The following PDE4D variants were observed in gnomAD, a reference collection of about 807,000 sequenced individuals.
The protein encoded by PDE4D is 3',5'-cyclic-AMP phosphodiesterase 4D.
A neutral mutation model predicts 87.4 loss-of-function variants in PDE4D; 24 were observed. The observed-to-expected ratio is 0.27, with a 90% confidence interval of 0.20 to 0.39. The LOEUF (loss-of-function observed/expected upper bound fraction) is 0.39. Among genes scored for constraint, PDE4D ranks in the 10% least tolerant of loss-of-function variants. The probability of loss-of-function intolerance (pLI) is 1.00; values close to 1 mark genes in which losing one functional copy is unlikely to be tolerated. For missense variants in PDE4D, 714 were observed against 1,041.0 expected (o/e 0.69, Z 4.32); for synonymous variants, 384 against 383.2 (o/e 1.00, Z -0.02).
chr5:59,486,137 CTG>C (rs1255423353), intron 1 of PDE4D, among the ~76,000 whole-genome samples: 1 of 152,046 alleles, frequency 6.6e-6, no homozygotes, highest in Non-Finnish European at 1.5e-5. Flanking sequence ...AATCTGCACT[CTG>C]TTAAAATTTA....
chr5:59,362,730 T>A (rs1782414875), intron 1 of PDE4D, among the ~76,000 whole-genome samples: 1 of 152,178 alleles, frequency 6.6e-6, no homozygotes, highest in Admixed American at 6.5e-5. Context: ...AGGACAGAAA[T>A]GGCTTCTTAC....
intron 1 of PDE4D, among the ~76,000 whole-genome samples, chr5:59,234,867 C>A (rs546802774): frequency 6.6e-6 from 1 of 152,022 alleles, no homozygotes; most frequent in South Asian, 2.1e-4. Flanking sequence ...ACAGAGTGAG[C>A]AAATGCCAGT....
chr5:59,217,114 C>T (rs1450179668), intron 1 of PDE4D: 1 of 442,514 alleles, frequency 2.3e-6, no homozygotes, highest in African/African-American at 2.0e-5. Context: ...ACGTCATAGT[C>T]CTTATAATCT....
chr5:60,147,228 G>A (rs1387717307), intron 2 of PDE4D, among the ~76,000 whole-genome samples: 1 of 152,176 alleles, frequency 6.6e-6, no homozygotes. Flanking sequence ...TACAAGAAAG[G>A]TTTCCCAGAA....
chr5:59,810,799 T>C (rs1017027796), intron 1 of PDE4D, among the ~76,000 whole-genome samples: 1 of 152,254 alleles, frequency 6.6e-6, no homozygotes, highest in African/African-American at 2.4e-5. Flanking sequence ...ATTTGTACTT[T>C]TTAAAAATCA....
intron 1 of PDE4D, among the ~76,000 whole-genome samples, chr5:60,508,171 C>T (rs577133304): frequency 7.2e-5 from 11 of 152,330 alleles, no homozygotes; most frequent in African/African-American, 2.6e-4. Flanking sequence ...ACTCTATGGA[C>T]AATATGTGGT....
chr5:60,501,024 A>G (rs1272203920), intron 1 of PDE4D, among the ~76,000 whole-genome samples: 1 of 151,748 alleles, frequency 6.6e-6, no homozygotes, highest in Non-Finnish European at 1.5e-5. Context: ...TTAAACTTTA[A>G]GTTTTAGGGT....
intron 3 of PDE4D, among the ~76,000 whole-genome samples, chr5:59,900,140 T>C (rs1278330885): frequency 1.3e-5 from 2 of 151,670 alleles, no homozygotes; most frequent in African/African-American, 2.4e-5. Context: ...CTCTGGAGCC[T>C]GAGGCAGGAA....
At chr5:59,863,507 T>G (rs953939560) in intron 1 of PDE4D, among the ~76,000 whole-genome samples, 3 of 152,124 alleles carry the variant, frequency 2.0e-5, no homozygotes, top group African/African-American at 7.2e-5. Flanking sequence ...GCACCGAATA[T>G]CTTTTAACTT....
chr5:59,681,203 C>T (rs1050053906), intron 1 of PDE4D, among the ~76,000 whole-genome samples: 2 of 152,042 alleles, frequency 1.3e-5, no homozygotes, highest in Non-Finnish European at 1.5e-5. Flanking sequence ...ATGATAGTAA[C>T]GTGTTAAAAT....
chr5:59,890,745 C>G (rs919112820), intron 1 of PDE4D, among the ~76,000 whole-genome samples: 1 of 152,210 alleles, frequency 6.6e-6, no homozygotes, highest in African/African-American at 2.4e-5. Flanking sequence ...TGATACTGAA[C>G]AAATTGCTCG....
chr5:60,436,894 A>T (rs1161489349), intron 1 of PDE4D, among the ~76,000 whole-genome samples: 1 of 152,082 alleles, frequency 6.6e-6, no homozygotes, highest in Admixed American at 6.6e-5. Flanking sequence ...TTATCCCTTT[A>T]CCTAAAGGGA....
In PDE4D at chr5:60,074,962, C is replaced by T. The variant is rs76074192; in HGVS notation, c.43-86245G>A. Among the ~76,000 whole-genome samples, 416 of 152,228 alleles carry T rather than the reference C, an allele frequency of 2.7e-3. 1 individual carries two copies. The highest frequency in any genetic ancestry group is 9.6e-3 in the African/African-American group (400 of 41,556). On this transcript the variant is annotated intron_variant, in intron 2 of 16. Coordinates refer to the PDE4D transcript ENST00000502484. ...GGGTCATTCTTCTTTATTTAGCTTG[C>T]CACTCTGTGCCTTTTAATTGGGAGC...
intron 1 of PDE4D, among the ~76,000 whole-genome samples, chr5:59,605,808 T>A (rs577003072): frequency 6.6e-6 from 1 of 152,194 alleles, no homozygotes; most frequent in Non-Finnish European, 1.5e-5. Context: ...ACCAAAGTGA[T>A]GTGAATTTAA....
chr5:60,016,842 T>C (rs1428386588), intron 2 of PDE4D, among the ~76,000 whole-genome samples: 1 of 152,336 alleles, frequency 6.6e-6, no homozygotes, highest in Non-Finnish European at 1.5e-5. Context: ...CCGGTAAATG[T>C]TGATATCTTG....
chr5:59,276,586 C>T (rs1764864819), intron 1 of PDE4D, among the ~76,000 whole-genome samples: 1 of 152,088 alleles, frequency 6.6e-6, no homozygotes, highest in Non-Finnish European at 1.5e-5. Flanking sequence ...GTGTAACAGG[C>T]ACCCTTGGAT....
chr5:59,833,487 T>C (rs1741557780), intron 1 of PDE4D, among the ~76,000 whole-genome samples: 1 of 152,026 alleles, frequency 6.6e-6, no homozygotes, highest in Admixed American at 6.6e-5. Flanking sequence ...GTTAAGTCAA[T>C]TTCAAATAAT....
At position 59,307,035 on chromosome 5, in the gene PDE4D, G is replaced by C. The variant is rs1226223143; in HGVS notation, c.456-91067C>G. 3.4e-5 allele frequency among the ~76,000 whole-genome samples: 3 copies of C among 89,224 alleles called. 1 individual carries two copies. Among genetic ancestry groups the C allele is most frequent in the Non-Finnish European group, 5.9e-5 (3 of 51,168 alleles). 58.5% of individuals were successfully genotyped at this position (89,224 alleles called of 152,430 possible). Reference sequence around the variant, plus strand: ...AGATATAGATCAATGGAACAGAACAGAGCCCTCAGAAATAATGCCGCATAT... The same window carrying C: ...AGATATAGATCAATGGAACAGAACACAGCCCTCAGAAATAATGCCGCATAT... On this transcript the variant is annotated intron_variant, in intron 1 of 14. Coordinates refer to ENST00000340635, the MANE Select transcript of PDE4D (RefSeq NM_001104631.2).
intron 1 of PDE4D, among the ~76,000 whole-genome samples, chr5:60,275,467 G>C (rs1358816964): frequency 2.6e-5 from 4 of 152,034 alleles, no homozygotes; most frequent in Non-Finnish European, 5.9e-5. Context: ...TGGAAAAAAG[G>C]TCACCACAAG....
Sources: gnomAD v4.1 joint callset for allele counts (sites outside exome capture counted in the v4.1 genomes callset) on GRCh38, gnomAD v4.1.1 for gene constraint, MANE v1.5 for transcripts, NCBI Gene and HGNC (gene_info 2026-07-23, HGNC 2026-07-21) for gene names.